The following CAMTA1 variants were observed in gnomAD, a reference collection of about 807,000 sequenced individuals.
The protein encoded by CAMTA1 is calmodulin binding transcription activator 1.
CAMTA1 carries 27 observed loss-of-function variants against 170.9 expected under a neutral mutation model. That is an observed-to-expected ratio of 0.16 (90% CI 0.12 to 0.22). The LOEUF (loss-of-function observed/expected upper bound fraction) is 0.22, where lower values mean the gene tolerates loss of function less well. Among genes scored for constraint, CAMTA1 ranks in the 10% least tolerant of loss-of-function variants. The probability of loss-of-function intolerance (pLI) is 1.00; values close to 1 mark genes in which losing one functional copy is unlikely to be tolerated. For missense variants in CAMTA1, 1,619 were observed against 2,217.2 expected (o/e 0.73, Z 5.42); for synonymous variants, 833 against 891.5 (o/e 0.93, Z 1.17).
chr1:7,479,213 G>A (rs565394891), intron 6 of CAMTA1, among the ~76,000 whole-genome samples: 5 of 152,370 alleles, frequency 3.3e-5, no homozygotes, highest in African/African-American at 1.2e-4. Flanking sequence ...GATGCAGGTT[G>A]TATATTCCCA....
chr1:7,204,074 G>A (rs531655725), intron 4 of CAMTA1, among the ~76,000 whole-genome samples: 97 of 151,840 alleles, frequency 6.4e-4, no homozygotes, highest in Non-Finnish European at 1.1e-3. Flanking sequence ...TCCTGACCTC[G>A]TGATCCGCTC....
At chr1:7,253,872 G>A (rs1666973874) in intron 5 of CAMTA1, among the ~76,000 whole-genome samples, 1 of 152,150 alleles carries the variant, frequency 6.6e-6, no homozygotes, top group African/African-American at 2.4e-5. Context: ...GGGGATTGGA[G>A]GCTTTCTATC....
chr1:7,257,704 TAAAC>T (rs1340643110), intron 5 of CAMTA1, among the ~76,000 whole-genome samples: 1 of 108,186 alleles, frequency 9.2e-6, no homozygotes, highest in East Asian at 2.1e-4. Flanking sequence ...GAATTTCAGA[TAAAC>T]AACAGTTTTT....
chr1:6,915,232 A>G (rs1680537890), intron 3 of CAMTA1, among the ~76,000 whole-genome samples: 1 of 152,230 alleles, frequency 6.6e-6, no homozygotes, highest in African/African-American at 2.4e-5. Flanking sequence ...AAAGAAAAGC[A>G]TATATTTATG....
chr1:6,975,879 C>T (rs1334994561), intron 3 of CAMTA1, among the ~76,000 whole-genome samples: 2 of 152,234 alleles, frequency 1.3e-5, no homozygotes, highest in African/African-American at 4.8e-5. Context: ...CTATTCTAGA[C>T]ATTTCATGTA....
Position 7,222,727 on chromosome 1 carries a change from A to T in CAMTA1, c.303-26764A>T, listed in dbSNP as rs138667255. On this transcript the variant is annotated intron_variant, in intron 4 of 22. Transcript: ENST00000303635. ...TTCCTGATGGCAACGGTCCCACCTG[A>T]TGGCAATGGTCCCTGGGCCAGAGGA... is the stretch of plus-strand genomic sequence containing the variant. Among the ~76,000 whole-genome samples, 428 of 152,306 alleles carry T rather than the reference A, an allele frequency of 2.8e-3. 4 individuals are homozygous for T. Among genetic ancestry groups the T allele is most frequent in the African/African-American group, 1.0e-2 (414 of 41,564 alleles).
intron 1 of CAMTA1, among the ~76,000 whole-genome samples, chr1:6,796,806 C>T (rs1245332455): frequency 6.6e-6 from 1 of 152,084 alleles, no homozygotes; most frequent in Admixed American, 6.5e-5. Context: ...TTGGAGTTTT[C>T]TTCTGCAGGC....
rs144190404 is a variant in CAMTA1, at chr1:7,259,302, C to T, written c.438+9676C>T. On this transcript the variant is annotated intron_variant, in intron 5 of 22. Transcript: ENST00000303635. Reference sequence around the variant, plus strand: ...CACGTCCTCCTTGCACTTCGTAATTCAACAGCTTGTAACTCGCGCAAAACC... The same window carrying T: ...CACGTCCTCCTTGCACTTCGTAATTTAACAGCTTGTAACTCGCGCAAAACC... 2.6e-3 allele frequency among the ~76,000 whole-genome samples: 401 copies of T among 152,288 alleles called. 2 individuals are homozygous for T. Among genetic ancestry groups the T allele is most frequent in the African/African-American group, 9.2e-3 (384 of 41,556 alleles).
chr1:7,071,605 A>G (rs898989930), intron 3 of CAMTA1, among the ~76,000 whole-genome samples: 4 of 152,226 alleles, frequency 2.6e-5, no homozygotes, highest in African/African-American at 7.2e-5. Context: ...ACAGATTAGA[A>G]AGACTAAAAA....
At chr1:6,940,750 G>C (rs1452978093) in intron 3 of CAMTA1, among the ~76,000 whole-genome samples, 2 of 151,996 alleles carry the variant, frequency 1.3e-5, no homozygotes, top group Non-Finnish European at 2.9e-5. Context: ...TGGAGCCCTC[G>C]GAGTTGAGGG....
At chr1:6,914,353 T>C (rs1363417363) in intron 3 of CAMTA1, among the ~76,000 whole-genome samples, 2 of 152,216 alleles carry the variant, frequency 1.3e-5, no homozygotes, top group Middle Eastern at 3.2e-3. Flanking sequence ...TCTGCTGCCT[T>C]GGCCTCCCAG....
At chr1:7,338,502 A>G (rs561657808) in intron 5 of CAMTA1, among the ~76,000 whole-genome samples, 9 of 152,312 alleles carry the variant, frequency 5.9e-5, no homozygotes, top group African/African-American at 1.9e-4. Flanking sequence ...TGCATCATCA[A>G]TTCATGTATT....
intron 4 of CAMTA1, among the ~76,000 whole-genome samples, chr1:7,110,375 A>G (rs1000099260): frequency 6.6e-6 from 1 of 152,028 alleles, no homozygotes. Context: ...ACTGTGCTTC[A>G]GGAGAGTTGA....
At chr1:7,684,225 TGGA>T (rs1309414795) in intron 11 of CAMTA1, among the ~76,000 whole-genome samples, 1 of 152,212 alleles carries the variant, frequency 6.6e-6, no homozygotes, top group African/African-American at 2.4e-5. Flanking sequence ...GTTGACTCTG[TGGA>T]GGACGCCCCA....
intron 5 of CAMTA1, among the ~76,000 whole-genome samples, chr1:7,365,173 G>A (rs538372307): frequency 2.9e-4 from 44 of 152,352 alleles, no homozygotes; most frequent in African/African-American, 1.0e-3. Flanking sequence ...AGGCCCCAGT[G>A]GACGCTGAAT....
intron 1 of CAMTA1, among the ~76,000 whole-genome samples, chr1:6,812,808 G>A (rs536241072): frequency 2.9e-4 from 44 of 152,258 alleles, no homozygotes; most frequent in East Asian, 7.7e-4. Flanking sequence ...CATAAATCTG[G>A]CTTGATATAT....
intron 4 of CAMTA1, among the ~76,000 whole-genome samples, chr1:7,151,165 C>T (rs942289243): frequency 1.3e-5 from 2 of 152,342 alleles, no homozygotes; most frequent in East Asian, 3.9e-4. Context: ...ACATGGGCCT[C>T]CTCTCCCTTG....
intron 5 of CAMTA1, among the ~76,000 whole-genome samples, chr1:7,386,978 A>C (rs1452523535): frequency 6.6e-6 from 1 of 151,900 alleles, no homozygotes; most frequent in Non-Finnish European, 1.5e-5. Flanking sequence ...GGTCCCTCTT[A>C]TGTTCCTAAC....
At chr1:7,211,714 A>C (rs909407951) in intron 4 of CAMTA1, among the ~76,000 whole-genome samples, 5 of 152,174 alleles carry the variant, frequency 3.3e-5, no homozygotes, top group Admixed American at 3.3e-4. Context: ...TTCAGCAGAG[A>C]ATGGTTTCTG....
Sources: allele counts gnomAD v4.1 joint callset (sites outside exome capture counted in the v4.1 genomes callset), GRCh38; gene constraint gnomAD v4.1.1; transcripts MANE v1.5; gene names NCBI Gene and HGNC (gene_info 2026-07-23, HGNC 2026-07-21).